The following ADGRL1 variants were observed in gnomAD, a reference collection of about 807,000 sequenced individuals.
ADGRL1 encodes CIRL-1.
ADGRL1 carries 31 observed loss-of-function variants against 148.9 expected under a neutral mutation model. The observed-to-expected ratio is 0.21, with a 90% CI of 0.16 to 0.28. The LOEUF is 0.28. ADGRL1 is among the 10% of genes least tolerant of loss of function. The pLI, the probability that ADGRL1 is intolerant of heterozygous loss-of-function variation, is 1.00. For missense variants in ADGRL1, 1,521 were observed against 2,058.8 expected (o/e 0.74, Z 5.05); for synonymous variants, 937 against 900.3 (o/e 1.04, Z -0.73).
Position 14,151,251 on chromosome 19 carries a change from G to A in ADGRL1, c.4032C>T (p.Ala1344=). ...GATCGCTCTGGTACAGCACCGACTG[G>A]GCCCGGGGCAGCAGCAGAGGCTCCT... ...ALEEPLLLPR[A]QSVLYQSDLD... is the part of the protein sequence containing the mutation. Residue 1344 remains alanine (A), a synonymous_variant, in exon 23 of 23, where the codon GCC becomes GCT. Transcript: ENST00000361434. The A allele has an allele frequency of 6.2e-7, 1 of 1,612,108 alleles. No homozygotes were observed. The highest frequency in any genetic ancestry group is 8.5e-7 in the Non-Finnish European group (1 of 1,179,738).
At chr19:14,180,561 GT>G (rs879553658) in intron 2 of ADGRL1, among the ~76,000 whole-genome samples, 1 of 151,170 alleles carries the variant, frequency 6.6e-6, no homozygotes, top group African/African-American at 2.4e-5. Context: ...TGGCCTGTTT[GT>G]TTTTTCAGAC....
chr19:14,156,789 G>A lies in ADGRL1; in HGVS notation c.2967-65C>T, dbSNP rs1968807466. 4 of 1,541,822 alleles carry A rather than the reference G, an allele frequency of 2.6e-6. No individual in the cohort carries two copies. In the Admixed American group the frequency reaches 5.5e-5, roughly 21 times the overall value. On this transcript the variant is annotated intron_variant, in intron 15 of 22. Coordinates refer to ENST00000361434, the MANE Select transcript of ADGRL1 (RefSeq NM_014921.5). ...GGAGCCATTCCCAGCGACTCATGAA[G>A]GCCTAGGACTCTGCAGGCTGCAGCC... is the stretch of plus-strand genomic sequence containing the variant.
intron 1 of ADGRL1, among the ~76,000 whole-genome samples, chr19:14,189,059 CTTT>C (rs987480215): frequency 1.3e-5 from 2 of 152,096 alleles, no homozygotes; most frequent in African/African-American, 2.4e-5. Context: ...GCCTCCAAAA[CTTT>C]TTTATCACCC....
At position 14,159,581 on chromosome 19, in the gene ADGRL1, C is replaced by T. The variant is rs138255625; in HGVS notation, c.1843G>A (p.Val615Met). Residue 615 changes from valine to methionine, a missense_variant, in exon 10 of 23, where the codon GTG becomes ATG. By Grantham distance (21) the Val-to-Met change is conservative. This residue lies in a region of ADGRL1 where 265 missense variants were observed against 431.9 expected (regional missense o/e 0.61). Coordinates refer to ENST00000361434, the MANE Select transcript of ADGRL1 (RefSeq NM_014921.5). This position sits in a 1 kb window ranked among gnomAD's most constrained non-coding sequence, Gnocchi z 6.0. Reference protein sequence around the residue: ...ERTCKDYIKAVVETVDNLLRP... With the variant: ...ERTCKDYIKAMVETVDNLLRP... ...AGCAGATTGTCCACTGTCTCCACCA[C>T]GGCCTGCACAGGCAGAGGGCATGGT... 24 of 1,595,622 alleles carry T rather than the reference C, an allele frequency of 1.5e-5. No individual in the cohort carries two copies. In the East Asian group the frequency reaches 2.5e-4, roughly 16 times the overall value.
At chr19:14,193,287 A>AC (rs1972063816) in intron 1 of ADGRL1, among the ~76,000 whole-genome samples, 1 of 150,922 alleles carries the variant, frequency 6.6e-6, no homozygotes, top group Non-Finnish European at 1.5e-5. Flanking sequence ...AAAAAAAAAA[A>AC]AAAAAACTCA....
At chr19:14,198,113 G>A (rs1002978100) in intron 1 of ADGRL1, among the ~76,000 whole-genome samples, 5 of 152,154 alleles carry the variant, frequency 3.3e-5, no homozygotes, top group African/African-American at 1.2e-4. Flanking sequence ...GGAATGTGCT[G>A]AGATGTGGCT....
intron 1 of ADGRL1, among the ~76,000 whole-genome samples, chr19:14,187,141 A>G (rs1410789199): frequency 6.6e-6 from 1 of 152,164 alleles, no homozygotes; most frequent in African/African-American, 2.4e-5. Flanking sequence ...GTTCGAGACC[A>G]GCCTGGCCAA....
intron 1 of ADGRL1, among the ~76,000 whole-genome samples, chr19:14,186,801 T>C (rs1033333419): frequency 6.6e-6 from 1 of 152,082 alleles, no homozygotes; most frequent in African/African-American, 2.4e-5. Context: ...TCCTGAAACA[T>C]TCAACATTCC....
rs758702577 is a variant in ADGRL1 at position 14,183,562 on chromosome 19, G to A, written c.41C>T (p.Thr14Ile). The A allele has an allele frequency of 3.8e-5, 60 of 1,584,436 alleles. No homozygotes were observed. In the South Asian group the frequency reaches 6.7e-4, roughly 18 times the overall value. Residue 14 changes from threonine to isoleucine, a missense_variant, in exon 2 of 23, where the codon ACC becomes ATC. Around this residue, in one of 8 missense-constraint regions of ADGRL1, gnomAD observed 334 missense variants for 512.5 expected, o/e 0.65. Transcript: ENST00000361434. ...GGTGGCCGAGGTGACCAGGACGGCGGTGACACACAGATTCCAGAGCACTGC... is the reference window on the plus strand; with the variant it reads ...GGTGGCCGAGGTGACCAGGACGGCGATGACACACAGATTCCAGAGCACTGC... The part of the protein sequence containing the change: ...LAAVLWNLCV[T>I]AVLVTSATQG...
rs1359561976 is a variant in ADGRL1, at chr19:14,155,729, G to C, written c.3126-202C>G. 4 of 596,300 alleles carry C rather than the reference G, an allele frequency of 6.7e-6. No homozygotes were observed. In the African/African-American group the frequency reaches 7.4e-5, roughly 11 times the overall value. 36.9% of individuals were successfully genotyped at this position (596,300 alleles called of 1,614,324 possible). On this transcript the variant is annotated intron_variant, in intron 17 of 22. Transcript: ENST00000361434. This position sits in a 1 kb window ranked among gnomAD's most constrained non-coding sequence, Gnocchi z 5.0. ...GCCTGGGCCTGAGGGAAAGGTACTG[G>C]GTCAGGGGTCGGGGTATTGTGAACA...
In ADGRL1 at chr19:14,163,240, C is replaced by G; in HGVS notation, c.561G>C (p.Ser187=). 6.2e-7 allele frequency: 1 copy of G among 1,613,640 alleles called. No individual in the cohort carries two copies. The highest frequency in any genetic ancestry group is 8.5e-7 in the Non-Finnish European group (1 of 1,180,022). ...YRTDTLTEYA[S]WEDYVAARHT... ...GGCGGGCGGCCACGTAGTCCTCCCA[C>G]GAGGCATACTCAGTCAGTGTGTCCG... Residue 187 remains serine (S), a synonymous_variant, in exon 5 of 23, where the codon TCG becomes TCC. Transcript: ENST00000361434.
Position 14,163,155 on chromosome 19 carries a change from C to A in ADGRL1, c.646G>T (p.Gly216Cys). The A allele has an allele frequency of 6.2e-7, 1 of 1,613,858 alleles. No individual in the cohort carries two copies. Among genetic ancestry groups the A allele is most frequent in the Non-Finnish European group, 8.5e-7 (1 of 1,179,994 alleles). ...VDGTGFVVYD[G>C]AVFYNKERTR... The stretch of plus-strand genomic sequence containing the variant: ...CGCTCCTTGTTGTAGAAGACGGCAC[C>A]ATCGTAGACCACAAAGCCTGTGCCA... Residue 216 changes from glycine to cysteine, a missense_variant, in exon 5 of 23, where the codon GGT (glycine) becomes TGT (cysteine). By Grantham distance (159) the Gly-to-Cys change is radical. Transcript: ENST00000361434.
At chr19:14,174,535 ATTTT>A (rs35665946) in intron 3 of ADGRL1, among the ~76,000 whole-genome samples, 4 of 136,624 alleles carry the variant, frequency 2.9e-5, no homozygotes, top group Non-Finnish European at 6.3e-5. Context: ...GGTAACACAC[ATTTT>A]TTTTTTTTTT....
At chr19:14,202,996 G>C (rs569972503) in intron 1 of ADGRL1, among the ~76,000 whole-genome samples, 1 of 152,126 alleles carries the variant, frequency 6.6e-6, no homozygotes, top group African/African-American at 2.4e-5. Context: ...TGGGGACACC[G>C]GGACCCCCTC....
In ADGRL1 at chr19:14,160,356, TC is replaced by T; in HGVS notation, c.1615-60del. On this transcript the variant is annotated intron_variant, in intron 7 of 22. Coordinates refer to ENST00000361434, the MANE Select transcript of ADGRL1 (RefSeq NM_014921.5). This position sits in a 1 kb window ranked among gnomAD's most constrained non-coding sequence, Gnocchi z 5.9. ...AGGACTGTCAGGGACCATCCTGCCCTCCCCGGCTTCCCTGGCCTGTGCAGCC... is the reference window on the plus strand; with the variant it reads ...AGGACTGTCAGGGACCATCCTGCCCTCCCGGCTTCCCTGGCCTGTGCAGCC... 1.4e-6 allele frequency: 2 copies of T among 1,473,528 alleles called. No individual in the cohort carries two copies. The highest frequency in any genetic ancestry group is 1.3e-5 in the South Asian group (1 of 79,188). The allele number at this position is 1,473,528 out of a possible 1,614,324, so 91.3% of individuals were successfully genotyped here.
In ADGRL1 at chr19:14,183,701, G is replaced by C. The variant is rs1263713883; in HGVS notation, c.-95-4C>G. On this transcript the variant is annotated splice_polypyrimidine_tract_variant and splice_region_variant and intron_variant, in intron 1 of 22. Transcript: ENST00000361434. ...CACCACGGCCTGGACCACCAGCCTG[G>C]GGGAGGACAGGGAGACTGAGGTGGG... 1.9e-6 allele frequency: 2 copies of C among 1,077,518 alleles called. No individual in the cohort carries two copies. The highest frequency in any genetic ancestry group is 1.5e-5 in the South Asian group (1 of 65,876). 66.7% of individuals were successfully genotyped at this position (1,077,518 alleles called of 1,614,324 possible).
At position 14,155,280 on chromosome 19, in the gene ADGRL1, C is replaced by T; in HGVS notation, c.3294+79G>A. Reference sequence around the variant, plus strand: ...CTTGAGGGAGCCCCTGAGTCCCCTCCACCCTCGCCGCCTTCTCCTGGGTAC... The same window carrying T: ...CTTGAGGGAGCCCCTGAGTCCCCTCTACCCTCGCCGCCTTCTCCTGGGTAC... On this transcript the variant is annotated intron_variant, in intron 18 of 22. Transcript: ENST00000361434. This position sits in a 1 kb window ranked among gnomAD's most constrained non-coding sequence, Gnocchi z 5.0. The T allele has an allele frequency of 6.5e-7, 1 of 1,534,028 alleles. No individual in the cohort carries two copies. Among genetic ancestry groups the T allele is most frequent in the Non-Finnish European group, 8.9e-7 (1 of 1,126,234 alleles).
intron 2 of ADGRL1, 42 bp downstream of exon 2, chr19:14,183,491 G>T (rs1483204149): frequency 6.5e-6 from 10 of 1,534,682 alleles, no homozygotes; most frequent in Non-Finnish European, 8.8e-6. Context: ...CCCCAGAAGG[G>T]TTTGGGAGCC....
In ADGRL1 at chr19:14,200,429, T is replaced by C. The variant is rs377086998; in HGVS notation, c.-96+5556A>G. 1.9e-4 allele frequency among the ~76,000 whole-genome samples: 29 copies of C among 152,308 alleles called. No homozygotes were observed. The East Asian group carries it at 3.5e-3, about 18-fold the overall frequency. On this transcript the variant is annotated intron_variant, in intron 1 of 22. Coordinates refer to ENST00000361434, the MANE Select transcript of ADGRL1 (RefSeq NM_014921.5). Reference sequence around the variant, plus strand: ...GTTCTGGGGCAGGGTCGGCCAACCATGGTCAGGCCCCCGCCTGCCTTTGTA... The same window carrying C: ...GTTCTGGGGCAGGGTCGGCCAACCACGGTCAGGCCCCCGCCTGCCTTTGTA...
Sources: gnomAD v4.1 joint callset for allele counts (sites outside exome capture counted in the v4.1 genomes callset) on GRCh38, gnomAD v4.1.1 for gene constraint, gnomAD v4.1.1 regional missense constraint, Gnocchi (gnomAD v3.1) non-coding constraint, MANE v1.5 for transcripts, NCBI Gene and HGNC (gene_info 2026-07-23, HGNC 2026-07-21) for gene names.